Variants in DAB1 observed in about 807,000 individuals in gnomAD.
DAB1 encodes DAB adaptor protein 1.
Under a neutral mutation model 64.6 loss-of-function variants are expected in DAB1, and 15 were observed. That is an observed-to-expected ratio of 0.23 (90% CI 0.16 to 0.36). The LOEUF (loss-of-function observed/expected upper bound fraction) is 0.36. Among genes scored for constraint, DAB1 ranks in the 10% least tolerant of loss-of-function variants. DAB1 has a pLI of 1.00. For synonymous variants in DAB1, 235 were observed against 251.9 expected, an observed-to-expected ratio of 0.93 and a Z score of 0.64; for missense variants, 596 against 706.7, an observed-to-expected ratio of 0.84 and a Z score of 1.78.
intron 1 of DAB1, among the ~76,000 whole-genome samples, chr1:57,850,141 C>T (rs1484731577): frequency 6.6e-6 from 1 of 152,136 alleles, no homozygotes; most frequent in Non-Finnish European, 1.5e-5. Context: ...AGGAGAGAAC[C>T]AGGACAGAGG....
chr1:57,948,422 A>G (rs1366166911), intron 5 of DAB1, among the ~76,000 whole-genome samples: 1 of 152,226 alleles, frequency 6.6e-6, no homozygotes, highest in East Asian at 1.9e-4. Flanking sequence ...TAAAAATGCA[A>G]GAATTGGAAA....
At chr1:58,135,632 G>A (rs1223810089) in intron 5 of DAB1, among the ~76,000 whole-genome samples, 1 of 152,102 alleles carries the variant, frequency 6.6e-6, no homozygotes, top group Non-Finnish European at 1.5e-5. Flanking sequence ...GTACAGTTAA[G>A]GTTTCTCAAT....
intron 7 of DAB1, among the ~76,000 whole-genome samples, chr1:57,527,053 G>A (rs1644601727): frequency 6.6e-6 from 1 of 152,084 alleles, no homozygotes; most frequent in Non-Finnish European, 1.5e-5. Flanking sequence ...ACACAAAAGA[G>A]TTCTCTCTCC....
Position 58,307,249 on chromosome 1 carries a change from T to G in DAB1, n.309+36103A>C, listed in dbSNP as rs149988306. ...CAGTCATCTAGTTCTGTTCCATTAG[T>G]TACTATCAGCATTTATTTAGGGCCT... On this transcript the variant is annotated intron_variant and non_coding_transcript_variant, in intron 4 of 20. Coordinates refer to the DAB1 transcript ENST00000485760. 4.4e-4 allele frequency among the ~76,000 whole-genome samples: 67 copies of G among 152,336 alleles called. No homozygotes were observed. The East Asian group carries it at 0.011, about 26-fold the overall frequency.
At chr1:58,496,257 A>G (rs932710852) in intron 3 of DAB1, among the ~76,000 whole-genome samples, 26 of 151,974 alleles carry the variant, frequency 1.7e-4, no homozygotes, top group Admixed American at 8.5e-4. Context: ...TGAGGTATCA[A>G]TTCTGCTCTT....
intron 7 of DAB1, among the ~76,000 whole-genome samples, chr1:57,447,045 C>T (rs937200909): frequency 3.9e-5 from 6 of 152,206 alleles, no homozygotes; most frequent in African/African-American, 1.4e-4. Context: ...ATGTGAATCA[C>T]ACACTGTGCT....
chr1:58,459,832 G>T (rs1645225825), intron 3 of DAB1, among the ~76,000 whole-genome samples: 1 of 152,074 alleles, frequency 6.6e-6, no homozygotes, highest in Non-Finnish European at 1.5e-5. Flanking sequence ...ACAAAAATTA[G>T]CCTGGCTTGA....
chr1:57,346,576 C>G (rs1486216972), intron 1 of DAB1, among the ~76,000 whole-genome samples: 3 of 152,114 alleles, frequency 2.0e-5, no homozygotes, highest in Admixed American at 6.5e-5. Flanking sequence ...TCCTTTACAT[C>G]CTTTATTTAT....
intron 6 of DAB1, among the ~76,000 whole-genome samples, chr1:57,779,858 T>C (rs1217482636): frequency 6.6e-6 from 1 of 152,156 alleles, no homozygotes; most frequent in Admixed American, 6.5e-5. Context: ...CTCCAGTTTT[T>C]CCATGGATAC....
chr1:58,326,324 C>G (rs1662823575), intron 4 of DAB1, among the ~76,000 whole-genome samples: 2 of 152,166 alleles, frequency 1.3e-5, no homozygotes, highest in Admixed American at 1.3e-4. Flanking sequence ...GTCAAGAAAT[C>G]AGACTGGCTG....
chr1:57,536,719 C>T (rs1437667509), intron 7 of DAB1, among the ~76,000 whole-genome samples: 1 of 152,040 alleles, frequency 6.6e-6, no homozygotes. Context: ...AAGATTGAGC[C>T]CTGTCTTCCT....
chr1:57,455,274 T>A (rs1686543224), intron 7 of DAB1, among the ~76,000 whole-genome samples: 1 of 152,150 alleles, frequency 6.6e-6, no homozygotes, highest in Non-Finnish European at 1.5e-5. Context: ...AACTTTTCTG[T>A]CTATAGATCA....
intron 6 of DAB1, 80 bp from the exon 7 acceptor site, chr1:57,071,141 G>A (rs1651417742): frequency 1.5e-6 from 2 of 1,345,516 alleles, no homozygotes; most frequent in Non-Finnish European, 2.1e-6. Context: ...AGAAATTACA[G>A]GACAGTAAAG....
chr1:57,238,555 T>C (rs1194052509), intron 2 of DAB1, among the ~76,000 whole-genome samples: 1 of 152,170 alleles, frequency 6.6e-6, no homozygotes, highest in Admixed American at 6.5e-5. Flanking sequence ...ACGAGCTTGA[T>C]GAATGAGGTC....
chr1:57,102,210 CTCTG>C lies in DAB1; in HGVS notation c.307-29800_307-29797del, dbSNP rs550544233. Among the ~76,000 whole-genome samples the C allele has an allele frequency of 1.5e-3, 226 of 151,520 alleles. 3 individuals carry two copies. The Middle Eastern group carries it at 0.017, about 11-fold the overall frequency. On this transcript the variant is annotated intron_variant, in intron 4 of 14. Transcript: ENST00000371236. ...TTCTTCTCTCTTTCTCTGTCTCTGT[CTCTG>C]TCTCAGTCTCTCTCTCTTTCTCTGA...
At chr1:57,519,795 T>C (rs1644504823) in intron 7 of DAB1, among the ~76,000 whole-genome samples, 2 of 152,208 alleles carry the variant, frequency 1.3e-5, no homozygotes, top group African/African-American at 4.8e-5. Context: ...TTCAAAGGAA[T>C]ATAATCCCCC....
intron 1 of DAB1, 98 bp downstream of exon 1, chr1:57,423,832 G>C (rs1685121504): frequency 6.6e-6 from 1 of 152,104 alleles, no homozygotes; most frequent in African/African-American, 2.4e-5. Flanking sequence ...CGCGCCCCGG[G>C]GCTCCAGCGA....
intron 3 of DAB1, among the ~76,000 whole-genome samples, chr1:57,137,532 C>T (rs1473912320): frequency 6.6e-6 from 1 of 152,068 alleles, no homozygotes; most frequent in Non-Finnish European, 1.5e-5. Context: ...AGCATGGGCT[C>T]CATACTAGGG....
chr1:58,544,632 T>C (rs1191794754), intron 1 of DAB1, among the ~76,000 whole-genome samples: 5 of 152,218 alleles, frequency 3.3e-5, no homozygotes, highest in Admixed American at 3.3e-4. Flanking sequence ...CACTTTGTCG[T>C]TGTCCAGGCT....
Sources: gnomAD v4.1 joint callset for allele counts (sites outside exome capture counted in the v4.1 genomes callset) on GRCh38, gnomAD v4.1.1 for gene constraint, MANE v1.5 for transcripts, NCBI Gene and HGNC (gene_info 2026-07-23, HGNC 2026-07-21) for gene names.